The following CHRNA7 variants were observed in gnomAD, a reference collection of about 807,000 sequenced individuals.
CHRNA7 encodes the protein cholinergic receptor nicotinic alpha 7 subunit, also known as neuronal acetylcholine receptor subunit alpha-7.
In CHRNA7, 17 loss-of-function variants were observed where a neutral mutation model predicts 48.0. That is an observed-to-expected ratio of 0.35 (90% confidence interval 0.24 to 0.53). CHRNA7 has a LOEUF of 0.53. Among genes scored for constraint, CHRNA7 ranks in the 20% least tolerant of loss-of-function variants. The probability of loss-of-function intolerance (pLI) is 0.92; values close to 1 mark genes in which losing one functional copy is unlikely to be tolerated. For missense variants in CHRNA7, 155 were observed against 577.7 expected, an observed-to-expected ratio of 0.27 and a Z score of 7.50; for synonymous variants, 75 against 242.3, an observed-to-expected ratio of 0.31 and a Z score of 6.41.
intron 2 of CHRNA7, among the ~76,000 whole-genome samples, chr15:32,035,965 C>T (rs1222258290): frequency 6.6e-6 from 1 of 152,154 alleles, no homozygotes; most frequent in African/African-American, 2.4e-5. Context: ...AAGGTTCCCT[C>T]TTGGTTTTGT....
chr15:32,064,836 A>G (rs1436518515), intron 2 of CHRNA7, among the ~76,000 whole-genome samples: 3 of 152,084 alleles, frequency 2.0e-5, no homozygotes, highest in African/African-American at 7.2e-5. Context: ...TCCTCCTCAT[A>G]TTTCCTCTTC....
At chr15:32,051,622 C>T (rs1023932743) in intron 2 of CHRNA7, among the ~76,000 whole-genome samples, 1 of 152,322 alleles carries the variant, frequency 6.6e-6, no homozygotes, top group Non-Finnish European at 1.5e-5. Flanking sequence ...AATGCCTCGC[C>T]CTGCTTCGGC....
intron 2 of CHRNA7, among the ~76,000 whole-genome samples, chr15:32,095,819 G>A (rs1188144108): frequency 1.3e-5 from 2 of 152,296 alleles, no homozygotes; most frequent in African/African-American, 4.8e-5. Context: ...ATTATTTTCC[G>A]TGATCGTAAT....
At chr15:32,095,600 G>C (rs2141251653) in intron 2 of CHRNA7, among the ~76,000 whole-genome samples, 2 of 152,276 alleles carry the variant, frequency 1.3e-5, no homozygotes, top group Admixed American at 1.3e-4. Flanking sequence ...ACCAGCTTCT[G>C]CATTCAGTCT....
At chr15:32,151,992 T>TG (rs1274860885) in intron 4 of CHRNA7, among the ~76,000 whole-genome samples, 31 of 152,214 alleles carry the variant, frequency 2.0e-4, no homozygotes, top group Non-Finnish European at 2.9e-5. Flanking sequence ...GCTGGTACTT[T>TG]GACTGGCTGC....
intron 2 of CHRNA7, among the ~76,000 whole-genome samples, chr15:32,034,154 A>T (rs1466956595): frequency 6.6e-6 from 1 of 152,222 alleles, no homozygotes. Flanking sequence ...CAACTAGAGC[A>T]GCTGAGAGTG....
At chr15:32,055,246 G>A (rs1208348324) in intron 2 of CHRNA7, among the ~76,000 whole-genome samples, 2 of 149,040 alleles carry the variant, frequency 1.3e-5, no homozygotes, top group African/African-American at 5.0e-5. Context: ...TTTTTGTTTT[G>A]TGTTGGTTTG....
At chr15:32,115,398 A>T (rs1211507732) in intron 4 of CHRNA7, among the ~76,000 whole-genome samples, 3 of 152,044 alleles carry the variant, frequency 2.0e-5, no homozygotes, top group Admixed American at 6.5e-5. Context: ...TCTAAACAAG[A>T]CAGATCTTGT....
At chr15:32,110,000 GAGA>G (rs2050736689) in intron 3 of CHRNA7, among the ~76,000 whole-genome samples, 1 of 152,330 alleles carries the variant, frequency 6.6e-6, no homozygotes, top group African/African-American at 2.4e-5. Flanking sequence ...GCAGGCAGAG[GAGA>G]AGGAGAGAAG....
At chr15:32,068,537 T>C (rs2050002158) in intron 2 of CHRNA7, among the ~76,000 whole-genome samples, 1 of 152,152 alleles carries the variant, frequency 6.6e-6, no homozygotes, top group Non-Finnish European at 1.5e-5. Flanking sequence ...ACAGTGGCTA[T>C]ACCAATATCA....
intron 4 of CHRNA7, among the ~76,000 whole-genome samples, chr15:32,142,018 C>T (rs2051389422): frequency 6.6e-6 from 1 of 152,144 alleles, no homozygotes; most frequent in Admixed American, 6.5e-5. Context: ...GGGAATGATT[C>T]CAGTTTTGGA....
At chr15:32,136,973 A>G (rs1340304545) in intron 4 of CHRNA7, among the ~76,000 whole-genome samples, 1 of 134,052 alleles carries the variant, frequency 7.5e-6, no homozygotes, top group Non-Finnish European at 1.5e-5. Context: ...CGGAGCTTGC[A>G]GTGAGCCGAG....
intron 2 of CHRNA7, among the ~76,000 whole-genome samples, chr15:32,040,307 C>T (rs1014707408): frequency 3.3e-5 from 5 of 151,312 alleles, no homozygotes; most frequent in Admixed American, 6.6e-5. Context: ...TGTCCTTGTT[C>T]CTTATTTCAG....
chr15:32,031,165 G>A, intron 2 of CHRNA7, 128 bp downstream of exon 2: 1 of 1,112,544 alleles, frequency 9.0e-7, no homozygotes, highest in Non-Finnish European at 1.3e-6. Context: ...AGCTAGGCAG[G>A]GCCATGCTCT....
chr15:32,050,414 A>G (rs1254055222), intron 2 of CHRNA7, among the ~76,000 whole-genome samples: 1 of 152,156 alleles, frequency 6.6e-6, no homozygotes, highest in East Asian at 1.9e-4. Context: ...CATCGCTGAT[A>G]CCCATTCTTC....
At chr15:32,064,430 T>C (rs143072476) in intron 2 of CHRNA7, among the ~76,000 whole-genome samples, 1 of 152,162 alleles carries the variant, frequency 6.6e-6, no homozygotes, top group East Asian at 1.9e-4. Flanking sequence ...TTTGTCATAT[T>C]AGAGCCTTTC....
intron 3 of CHRNA7, among the ~76,000 whole-genome samples, chr15:32,109,984 C>T (rs1443319655): frequency 6.6e-6 from 1 of 152,194 alleles, no homozygotes; most frequent in African/African-American, 2.4e-5. Context: ...CTCTGGCCAT[C>T]ATTCAGCAGG....
chr15:32,090,437 C>A (rs1208447451), intron 2 of CHRNA7, among the ~76,000 whole-genome samples: 1 of 152,174 alleles, frequency 6.6e-6, no homozygotes, highest in African/African-American at 2.4e-5. Context: ...GGGGGCTTCT[C>A]ACTCTCATTC....
At chr15:32,090,065 C>T (rs2050359125) in intron 2 of CHRNA7, among the ~76,000 whole-genome samples, 1 of 152,136 alleles carries the variant, frequency 6.6e-6, no homozygotes, top group Admixed American at 6.5e-5. Flanking sequence ...TTCTGTAATC[C>T]TATGTTACAT....
Sources: allele counts gnomAD v4.1 joint callset (sites outside exome capture counted in the v4.1 genomes callset), GRCh38; gene constraint gnomAD v4.1.1; transcripts MANE v1.5; gene names NCBI Gene and HGNC (gene_info 2026-07-23, HGNC 2026-07-21).